The following CLIC5 variants were observed in gnomAD, a reference collection of about 807,000 sequenced individuals.
CLIC5 encodes the protein chloride intracellular channel protein 5.
CLIC5 carries 20 observed loss-of-function variants against 24.7 expected under a neutral mutation model. The ratio of observed to expected loss-of-function variants is 0.81; its 90% CI spans 0.57 to 1.18. CLIC5 has a LOEUF of 1.18. Ranked by LOEUF, CLIC5 falls within the 50% of genes most tolerant of loss-of-function variation. The pLI, the probability that CLIC5 is intolerant of heterozygous loss-of-function variation, is 0.00. For synonymous variants in CLIC5, 159 were observed against 135.6 expected (o/e 1.17, Z -1.20); for missense variants, 341 against 326.1 (o/e 1.05, Z -0.35).
At chr6:45,913,935 C>A (rs528673313) in intron 5 of CLIC5, 3 of 600,680 alleles carry the variant, frequency 5.0e-6, no homozygotes, top group Non-Finnish European at 7.3e-6. Context: ...ACGATAATTG[C>A]GACTATTACA....
At chr6:45,946,534 T>C (rs1764294184) in intron 3 of CLIC5, among the ~76,000 whole-genome samples, 1 of 152,208 alleles carries the variant, frequency 6.6e-6, no homozygotes, top group Admixed American at 6.5e-5. Flanking sequence ...GAGAAACACA[T>C]GGCCGACCAG....
chr6:45,909,548 G>A (rs950563837), intron 5 of CLIC5, among the ~76,000 whole-genome samples: 1 of 152,112 alleles, frequency 6.6e-6, no homozygotes, highest in East Asian at 1.9e-4. Flanking sequence ...TTAGTTTGGT[G>A]GGATATGAAG....
At chr6:46,035,846 C>A (rs7771759) in intron 1 of CLIC5, among the ~76,000 whole-genome samples, 25,178 of 151,734 alleles carry the variant, frequency 0.17, 2,481 homozygotes, top group African/African-American at 0.27. Flanking sequence ...CTAGGTTCAA[C>A]TGATTCTCCT....
chr6:45,984,004 G>A (rs951388384), intron 1 of CLIC5, among the ~76,000 whole-genome samples: 2 of 152,098 alleles, frequency 1.3e-5, no homozygotes, highest in African/African-American at 4.8e-5. Flanking sequence ...ACATAGTAGG[G>A]CCTCAGAAAA....
downstream of CLIC5, among the ~76,000 whole-genome samples, chr6:45,894,814 C>T (rs185438343): frequency 7.9e-5 from 12 of 152,304 alleles, no homozygotes; most frequent in Non-Finnish European, 1.6e-4. Flanking sequence ...TGAATCCATG[C>T]GCACTGTAAG....
upstream of CLIC5, among the ~76,000 whole-genome samples, chr6:46,017,615 C>A (rs767958704): frequency 4.6e-5 from 7 of 152,134 alleles, no homozygotes; most frequent in Non-Finnish European, 8.8e-5. Context: ...TTTTAACGGT[C>A]TTAACAGAGA....
rs73735486 is a variant in CLIC5 at position 45,930,562 on chromosome 6, G to A, written c.406+10985C>T. ...ATAGGAAGACCCTTTCGAATCCACAGGCCTTGAATAAATCACATCAGCTGG... is the reference window on the plus strand; with the variant it reads ...ATAGGAAGACCCTTTCGAATCCACAAGCCTTGAATAAATCACATCAGCTGG... On this transcript the variant is annotated intron_variant, in intron 4 of 5. Transcript: ENST00000339561. 6.5e-3 allele frequency among the ~76,000 whole-genome samples: 993 copies of A among 152,280 alleles called. 15 individuals carry two copies. Among genetic ancestry groups the A allele is most frequent in the African/African-American group, 0.022 (923 of 41,554 alleles).
chr6:45,992,585 T>C (rs1247081980), intron 1 of CLIC5, among the ~76,000 whole-genome samples: 2 of 152,172 alleles, frequency 1.3e-5, no homozygotes, highest in African/African-American at 4.8e-5. Context: ...AACAGATACA[T>C]ATGCATCATA....
intron 4 of CLIC5, among the ~76,000 whole-genome samples, chr6:45,918,579 C>T (rs72871437): frequency 0.012 from 1,816 of 152,328 alleles, 20 homozygotes; most frequent in Admixed American, 0.03. Context: ...GGTGGCTGCA[C>T]GCTCAACTTC....
chr6:45,894,546 T>C (rs1339000459), downstream of CLIC5, among the ~76,000 whole-genome samples: 3 of 152,208 alleles, frequency 2.0e-5, no homozygotes, highest in Admixed American at 1.3e-4. Context: ...AAAAATCCCA[T>C]TAACAAACTG....
chr6:46,024,107 A>G (rs1037869958), intron 1 of CLIC5, among the ~76,000 whole-genome samples: 1 of 152,208 alleles, frequency 6.6e-6, no homozygotes, highest in Non-Finnish European at 1.5e-5. Flanking sequence ...TGAGAGTAGA[A>G]TGTAGAATAT....
intron 1 of CLIC5, among the ~76,000 whole-genome samples, chr6:45,973,869 G>A (rs1380746505): frequency 6.6e-6 from 1 of 151,484 alleles, no homozygotes; most frequent in African/African-American, 2.4e-5. Context: ...GGCAGAGGTT[G>A]CAGTGAGCCG....
chr6:46,071,099 G>T (rs1191509001), intron 1 of CLIC5, among the ~76,000 whole-genome samples: 1 of 152,122 alleles, frequency 6.6e-6, no homozygotes, highest in Non-Finnish European at 1.5e-5. Flanking sequence ...AGATTTAAAT[G>T]TAAAGCCCAG....
chr6:45,884,454 G>C (rs904662230), intron 6 of CLIC5, among the ~76,000 whole-genome samples: 1 of 152,152 alleles, frequency 6.6e-6, no homozygotes, highest in African/African-American at 2.4e-5. Flanking sequence ...TGGAAGAAGG[G>C]GGCAGCGGAA....
the CLIC5 span, among the ~76,000 whole-genome samples, chr6:46,103,177 TA>T: frequency 6.6e-6 from 1 of 152,172 alleles, no homozygotes; most frequent in Non-Finnish European, 1.5e-5. Context: ...CAGCAAAACT[TA>T]TAATTAAGAT....
intron 1 of CLIC5, among the ~76,000 whole-genome samples, chr6:46,066,540 G>A (rs754360641): frequency 9.9e-5 from 15 of 151,806 alleles, no homozygotes; most frequent in South Asian, 4.2e-4. Flanking sequence ...ACTATCCCCC[G>A]CCCCCCATAA....
downstream of CLIC5, among the ~76,000 whole-genome samples, chr6:45,897,017 G>A (rs372862815): frequency 2.6e-5 from 4 of 152,298 alleles, no homozygotes; most frequent in African/African-American, 9.6e-5. Context: ...ATGAATTACA[G>A]AACAGGAAAT....
chr6:46,086,810 G>A, the CLIC5 span, among the ~76,000 whole-genome samples: 1 of 152,140 alleles, frequency 6.6e-6, no homozygotes, highest in Non-Finnish European at 1.5e-5. Flanking sequence ...GGCACAGGGA[G>A]GGAACTGTGT....
intron 1 of CLIC5, among the ~76,000 whole-genome samples, chr6:45,982,620 G>C (rs1052144429): frequency 6.6e-6 from 1 of 152,098 alleles, no homozygotes; most frequent in Non-Finnish European, 1.5e-5. Context: ...TCAAAATATA[G>C]AAAAAGCATA....
Sources: allele counts gnomAD v4.1 joint callset (sites outside exome capture counted in the v4.1 genomes callset), GRCh38; gene constraint gnomAD v4.1.1; transcripts MANE v1.5; gene names NCBI Gene and HGNC (gene_info 2026-07-23, HGNC 2026-07-21).